RPUSD4: variants seen among roughly 807,000 people sequenced by gnomAD.
RPUSD4 encodes RNA pseudouridine synthase D4.
Under a neutral mutation model 35.4 loss-of-function variants are expected in RPUSD4, and 37 were observed. The observed-to-expected ratio is 1.04, with a 90% CI of 0.80 to 1.37. The LOEUF is 1.37. RPUSD4 is among the 40% of genes most tolerant of loss of function. The pLI, the probability that RPUSD4 is intolerant of heterozygous loss-of-function variation, is 0.00. For synonymous variants in RPUSD4, 210 were observed against 192.7 expected (o/e 1.09, Z -0.74); for missense variants, 507 against 484.9 (o/e 1.05, Z -0.43).
rs749871026 is a variant in RPUSD4, at chr11:126,205,789, T to C, written c.558-8A>G. 8.2e-6 allele frequency: 13 copies of C among 1,584,828 alleles called. No homozygotes were observed. The highest frequency in any genetic ancestry group is 1.0e-5 in the Non-Finnish European group (12 of 1,162,414). ...ACATGCACAGTGATGGCCCTGGGGG[T>C]GACACAGATCACTGCTTTAGCCAAC... is the stretch of plus-strand genomic sequence containing the variant. On this transcript the variant is annotated splice_region_variant and splice_polypyrimidine_tract_variant and intron_variant, in intron 3 of 6. Transcript: ENST00000298317.
At chr11:126,209,208 C>T (rs563477637) in intron 3 of RPUSD4, 10 of 256,726 alleles carry the variant, frequency 3.9e-5, no homozygotes, top group South Asian at 3.8e-4. Context: ...CCAGGCTGTT[C>T]TCCGACTCTT....
Position 126,209,552 on chromosome 11 carries a change from A to G in RPUSD4, c.526T>C (p.Phe176Leu), listed in dbSNP as rs1949816394. The change falls in exon 3 of 7, where the codon TTT becomes CTT. Residue 176 changes from phenylalanine (F) to leucine (L), a missense_variant. Phe to Leu is a conservative substitution (Grantham distance 22). Transcript: ENST00000298317. ...KDMAHQVQEL[F>L]RTRQVVKKYW... Reference sequence around the variant, plus strand: ...TTCTTCACCACCTGACGGGTTCTAAACAACTCTTGGACTTGATGTGCCATG... The same window carrying G: ...TTCTTCACCACCTGACGGGTTCTAAGCAACTCTTGGACTTGATGTGCCATG... 3 of 1,614,236 alleles carry G rather than the reference A, an allele frequency of 1.9e-6. No individual in the cohort carries two copies.
Position 126,205,725 on chromosome 11 carries a change from A to C in RPUSD4, c.614T>G (p.Val205Gly), listed in dbSNP as rs756609047. The C allele has an allele frequency of 5.0e-6, 8 of 1,613,450 alleles. No individual in the cohort carries two copies. In the East Asian group the frequency reaches 1.8e-4, roughly 36 times the overall value. The change falls in exon 4 of 7, where the codon GTG becomes GGG. Residue 205 changes from valine (V) to glycine (G), a missense_variant. Transcript: ENST00000298317. ...CTGCTGGCCTTGCGCCTCCTTCTCC[A>C]CAATGGGGATGTCCACGACTCCTGC... is the stretch of plus-strand genomic sequence containing the variant. ...PSAGVVDIPIVEKEAQGQQQH... is the reference protein window; with the variant it reads ...PSAGVVDIPIGEKEAQGQQQH...
intron 2 of RPUSD4, among the ~76,000 whole-genome samples, chr11:126,210,530 C>CACACACACAA (rs1949840777): frequency 1.3e-5 from 2 of 150,764 alleles, no homozygotes; most frequent in South Asian, 4.2e-4. Context: ...TACACACACA[C>CACACACACAA]ACACACACAC....
rs543353818 is a variant in RPUSD4, at chr11:126,203,740, T to C, written c.895-83A>G. The C allele has an allele frequency of 4.0e-6, 6 of 1,514,160 alleles. No homozygotes were observed. In the South Asian group the frequency reaches 6.4e-5, roughly 16 times the overall value. The allele number at this position is 1,514,160 out of a possible 1,614,324, so 93.8% of individuals were successfully genotyped here. On this transcript the variant is annotated intron_variant, in intron 6 of 6. Transcript: ENST00000298317. Reference sequence around the variant, plus strand: ...CATGCAAGGTCAGGGCACTTCTACTTACAGGGAACCAAAACTAACCCCCTG... The same window carrying C: ...CATGCAAGGTCAGGGCACTTCTACTCACAGGGAACCAAAACTAACCCCCTG...
Position 126,209,556 on chromosome 11 carries a change from C to T in RPUSD4, c.522G>A (p.Glu174=), listed in dbSNP as rs751296445. The change falls in exon 3 of 7, where the codon GAG becomes GAA. Residue 174 remains glutamate (E), a synonymous_variant. Transcript: ENST00000298317. ...WDKDMAHQVQ[E]LFRTRQVVKK... The stretch of plus-strand genomic sequence containing the variant: ...TCACCACCTGACGGGTTCTAAACAA[C>T]TCTTGGACTTGATGTGCCATGTCCT... The T allele has an allele frequency of 1.2e-6, 2 of 1,614,238 alleles. No individual in the cohort carries two copies. The highest frequency in any genetic ancestry group is 1.7e-6 in the Non-Finnish European group (2 of 1,180,038).
At chr11:126,204,635 TAAG>T (rs1949750706) in intron 5 of RPUSD4, among the ~76,000 whole-genome samples, 1 of 152,218 alleles carries the variant, frequency 6.6e-6, no homozygotes, top group Non-Finnish European at 1.5e-5. Context: ...TTTTACTACA[TAAG>T]TAGTATTGAT....
At chr11:126,203,716 A>C in intron 6 of RPUSD4, 59 bp from the exon 7 acceptor site, 1 of 1,562,406 alleles carries the variant, frequency 6.4e-7, no homozygotes, top group South Asian at 1.2e-5. Context: ...CTTGACGAAC[A>C]TGCAAGGTCA....
Position 126,203,265 on chromosome 11 carries a change from T to C in RPUSD4, c.*153A>G, listed in dbSNP as rs1949731896. ...GTAGCAGCTGAGTTGCTTTACCTTA[T>C]CCCACCTGGCTCTTACGCAGTCTGT... On this transcript the variant is annotated 3_prime_UTR_variant, in exon 7 of 7. Coordinates refer to ENST00000298317, the MANE Select transcript of RPUSD4 (RefSeq NM_032795.3). 1 of 1,122,922 alleles carries C rather than the reference T, an allele frequency of 8.9e-7. No homozygotes were observed. Among genetic ancestry groups the C allele is most frequent in the Non-Finnish European group, 1.3e-6 (1 of 790,408 alleles). The allele number at this position is 1,122,922 out of a possible 1,614,324, so 69.6% of individuals were successfully genotyped here.
rs370494512 is a variant in RPUSD4, at chr11:126,204,310, C to T, written c.815G>A (p.Arg272Gln). The T allele has an allele frequency of 1.1e-5, 17 of 1,612,322 alleles. No individual in the cohort carries two copies. In the African/African-American group the frequency reaches 1.3e-4, roughly 13 times the overall value. ...ATCCAATCCAAAAGACAAGTGAACT[C>T]GAAGCTGATGTTTTATTCCTTAAAA... is the stretch of plus-strand genomic sequence containing the variant. ...QPITGIKHQL[R>Q]VHLSFGLDCP... The change falls in exon 6 of 7, where the codon CGA becomes CAA. Residue 272 changes from arginine (R) to glutamine (Q), a missense_variant. Physicochemically the swap from Arg to Gln is conservative, Grantham distance 43. Coordinates refer to ENST00000298317, the MANE Select transcript of RPUSD4 (RefSeq NM_032795.3).
In RPUSD4 at chr11:126,211,043, C is replaced by T; in HGVS notation, c.202G>A (p.Ala68Thr). The T allele has an allele frequency of 1.2e-6, 2 of 1,613,260 alleles. No individual in the cohort carries two copies. Among genetic ancestry groups the T allele is most frequent in the Non-Finnish European group, 8.5e-7 (1 of 1,179,948 alleles). ...ATTTCTTGCACTCTCCGCTGAACAGCGTTTGTGGACACCTAGGGAGAAAGA... is the reference window on the plus strand; with the variant it reads ...ATTTCTTGCACTCTCCGCTGAACAGTGTTTGTGGACACCTAGGGAGAAAGA... ...DTKKEPVSTN[A>T]VQRRVQEIVR... The change falls in exon 2 of 7, where the codon GCT becomes ACT. Residue 68 changes from alanine to threonine, a missense_variant. By Grantham distance (58) the Ala-to-Thr change is moderately conservative. Coordinates refer to ENST00000298317, the MANE Select transcript of RPUSD4 (RefSeq NM_032795.3).
Position 126,203,484 on chromosome 11 carries a change from C to A in RPUSD4, c.1068G>T (p.Leu356=), listed in dbSNP as rs776483502. ...GATCCTCATTTGGCATCTCTAAACGCAGGCGGTGCAGGGAATGCACAAAGA... is the reference window on the plus strand; with the variant it reads ...GATCCTCATTTGGCATCTCTAAACGAAGGCGGTGCAGGGAATGCACAAAGA... ...PRFFVHSLHR[L]RLEMPNEDQN... The change falls in exon 7 of 7, where the codon CTG becomes CTT. Residue 356 remains leucine (L), a synonymous_variant. Transcript: ENST00000298317. The A allele has an allele frequency of 6.2e-7, 1 of 1,614,172 alleles. No homozygotes were observed. Among genetic ancestry groups the A allele is most frequent in the Non-Finnish European group, 8.5e-7 (1 of 1,180,054 alleles).
chr11:126,206,532 G>A (rs1949776705), intron 3 of RPUSD4: 2 of 152,256 alleles, frequency 1.3e-5, no homozygotes, highest in South Asian at 4.1e-4. Flanking sequence ...ACTCCAGCCT[G>A]GGAGACACAG....
chr11:126,209,633 A>G lies in RPUSD4; in HGVS notation c.445T>C (p.Cys149Arg). 6.2e-7 allele frequency: 1 copy of G among 1,614,218 alleles called. No individual in the cohort carries two copies. The highest frequency in any genetic ancestry group is 8.5e-7 in the Non-Finnish European group (1 of 1,180,028). The change falls in exon 3 of 7, where the codon TGC becomes CGC. Residue 149 changes from cysteine to arginine, a missense_variant. Physicochemically the swap from Cys to Arg is radical, Grantham distance 180. Transcript: ENST00000298317. ...GTGGTTTCCTTGTCCAGCCGGTGGC[A>G]CAGATGCAAGGGCTCTGCCTTGTGG... Reference protein sequence around the residue: ...HGHKAEPLHLCHRLDKETTGV... With the variant: ...HGHKAEPLHLRHRLDKETTGV...
At chr11:126,209,376 C>A in intron 3 of RPUSD4, 145 bp downstream of exon 3, 1 of 675,148 alleles carries the variant, frequency 1.5e-6, no homozygotes. Flanking sequence ...TTCTAAGCAC[C>A]AAAGCTGTTT....
chr11:126,205,405 C>A (rs1949760833), intron 5 of RPUSD4, 63 bp downstream of exon 5: 3 of 1,601,118 alleles, frequency 1.9e-6, no homozygotes, highest in East Asian at 2.2e-5. Flanking sequence ...CAGAACGAGG[C>A]CCTGGACAAA....
At chr11:126,209,155 C>A in intron 3 of RPUSD4, 1 of 198,340 alleles carries the variant, frequency 5.0e-6, no homozygotes, top group Non-Finnish European at 1.0e-5. Context: ...CTATACCGGA[C>A]TAACTTCTTA....
In RPUSD4 at chr11:126,205,468, C is replaced by A; in HGVS notation, c.796G>T (p.Gly266Ter). The A allele has an allele frequency of 6.2e-7, 1 of 1,614,202 alleles. No homozygotes were observed. Among genetic ancestry groups the A allele is most frequent in the Non-Finnish European group, 8.5e-7 (1 of 1,180,026 alleles). Residue 266 changes from glycine (G) to a stop codon, truncating the protein, a stop_gained and splice_region_variant, in exon 5 of 7, where the codon GGA becomes TGA. Transcript: ENST00000298317. LOFTEE classifies it high-confidence loss of function. The part of the protein sequence containing the change: ...SALVELQPIT[G>*]IKHQLRVHLS... ...CACTGCGGAAAAGTGACACTCTCAC[C>A]AGTGATGGGCTGGAGCTCCACGAGG...
chr11:126,202,183 G>A lies in RPUSD4; in HGVS notation c.*1235C>T, dbSNP rs1949719272. 1 of 152,198 alleles carries A rather than the reference G, an allele frequency of 6.6e-6. No homozygotes were observed. The highest frequency in any genetic ancestry group is 1.5e-5 in the Non-Finnish European group (1 of 68,052). 9.4% of individuals were successfully genotyped at this position (152,198 alleles called of 1,614,324 possible). ...TAGAAAGTGGCATCATCTATACAGA[G>A]GGAACATATAAAGACTGTCCCGGGG... On this transcript the variant is annotated 3_prime_UTR_variant, in exon 7 of 7. Transcript: ENST00000298317.
Sources: gnomAD v4.1 joint callset for allele counts (sites outside exome capture counted in the v4.1 genomes callset) on GRCh38, gnomAD v4.1.1 for gene constraint, MANE v1.5 for transcripts, NCBI Gene and HGNC (gene_info 2026-07-23, HGNC 2026-07-21) for gene names.